The following THSD7B variants were observed in gnomAD, a reference collection of about 807,000 sequenced individuals.
THSD7B encodes the protein thrombospondin type-1 domain-containing protein 7B.
In THSD7B, 138 loss-of-function variants were observed where a neutral mutation model predicts 213.6. The observed-to-expected ratio is 0.65, with a 90% CI of 0.56 to 0.74. The LOEUF (loss-of-function observed/expected upper bound fraction) is 0.74. Ranked by LOEUF, THSD7B falls within the 30% of genes least tolerant of loss-of-function variation. The pLI is 0.00. For missense variants in THSD7B, 1,931 were observed against 1,991.5 expected (o/e 0.97, Z 0.58); for synonymous variants, 742 against 687.0 (o/e 1.08, Z -1.25).
At chr2:137,017,253 C>T (rs1437624740) in intron 2 of THSD7B, among the ~76,000 whole-genome samples, 2 of 150,422 alleles carry the variant, frequency 1.3e-5, no homozygotes, top group South Asian at 2.1e-4. Context: ...GTAGCTGAGG[C>T]GAAACTGAAG....
chr2:137,141,304 A>G (rs1220814628), intron 5 of THSD7B, among the ~76,000 whole-genome samples: 6 of 152,152 alleles, frequency 3.9e-5, no homozygotes, highest in Non-Finnish European at 1.5e-5. Flanking sequence ...AGCAGGGATA[A>G]GGATACATCT....
At chr2:137,220,822 C>T (rs747266571) in intron 7 of THSD7B, among the ~76,000 whole-genome samples, 29 of 152,100 alleles carry the variant, frequency 1.9e-4, no homozygotes, top group Non-Finnish European at 4.0e-4. Context: ...TACATCCATA[C>T]AATGCAATGC....
At chr2:137,183,062 C>T (rs1180475155) in intron 7 of THSD7B, among the ~76,000 whole-genome samples, 1 of 152,076 alleles carries the variant, frequency 6.6e-6, no homozygotes, top group African/African-American at 2.4e-5. Flanking sequence ...TTGGTGGTAT[C>T]AGTTAGTGGA....
chr2:137,147,366 A>G (rs1255219969), intron 5 of THSD7B, among the ~76,000 whole-genome samples: 1 of 152,000 alleles, frequency 6.6e-6, no homozygotes, highest in Non-Finnish European at 1.5e-5. Flanking sequence ...CCTTCCTTTG[A>G]AGCTGAGTTA....
intron 7 of THSD7B, among the ~76,000 whole-genome samples, chr2:137,180,474 G>A (rs1680434356): frequency 6.6e-6 from 1 of 151,980 alleles, no homozygotes; most frequent in African/African-American, 2.4e-5. Flanking sequence ...CTTCTCAAGG[G>A]CACATACCTT....
intron 5 of THSD7B, among the ~76,000 whole-genome samples, chr2:137,136,861 A>G (rs1375224176): frequency 2.0e-5 from 3 of 152,334 alleles, no homozygotes; most frequent in South Asian, 4.1e-4. Context: ...ACATTTAGCA[A>G]ATCAAAAGAT....
chr2:137,397,293 C>A (rs1421932910), intron 12 of THSD7B, among the ~76,000 whole-genome samples: 1 of 151,994 alleles, frequency 6.6e-6, no homozygotes, highest in East Asian at 1.9e-4. Flanking sequence ...GATTTTGCAG[C>A]GGCTGGTACC....
Position 137,174,832 on chromosome 2 carries a change from A to G in THSD7B, c.1723+3894A>G, listed in dbSNP as rs1264628816. Reference sequence around the variant, plus strand: ...CATTTACGGAGCGTTGAATATGCATAGGTTATTCTTGTCTCATTGACAAGT... The same window carrying G: ...CATTTACGGAGCGTTGAATATGCATGGGTTATTCTTGTCTCATTGACAAGT... On this transcript the variant is annotated intron_variant, in intron 7 of 27. Transcript: ENST00000409968. Among the ~76,000 whole-genome samples, 3 of 152,204 alleles carry G rather than the reference A, an allele frequency of 2.0e-5. No homozygotes were observed. In the South Asian group the frequency reaches 6.2e-4, roughly 31 times the overall value.
chr2:136,830,972 A>G (rs188008772), intron 1 of THSD7B, among the ~76,000 whole-genome samples: 13 of 152,320 alleles, frequency 8.5e-5, no homozygotes, highest in Non-Finnish European at 1.6e-4. Context: ...AGAAAATGAC[A>G]TATGTGGATC....
At chr2:137,403,704 G>A (rs887172487) in intron 12 of THSD7B, among the ~76,000 whole-genome samples, 1 of 152,210 alleles carries the variant, frequency 6.6e-6, no homozygotes, top group Non-Finnish European at 1.5e-5. Flanking sequence ...ATCTGAAGTG[G>A]TACCATGGAA....
chr2:137,339,844 C>T (rs1684719511), intron 12 of THSD7B, among the ~76,000 whole-genome samples: 1 of 151,460 alleles, frequency 6.6e-6, no homozygotes, highest in Non-Finnish European at 1.5e-5. Context: ...AGAGAAGCAG[C>T]ACTGAGTTAA....
chr2:136,948,254 C>G (rs930253228), intron 2 of THSD7B, among the ~76,000 whole-genome samples: 1 of 152,150 alleles, frequency 6.6e-6, no homozygotes, highest in Non-Finnish European at 1.5e-5. Flanking sequence ...CCCCTGCTCA[C>G]AAACCTTCAG....
intron 5 of THSD7B, among the ~76,000 whole-genome samples, 155 bp downstream of exon 5, chr2:137,115,448 C>G (rs571653427): frequency 8.5e-5 from 13 of 152,210 alleles, no homozygotes; most frequent in Admixed American, 3.3e-4. Flanking sequence ...TAAGTTCTTC[C>G]ACTTGTAACA....
intron 17 of THSD7B, among the ~76,000 whole-genome samples, chr2:137,575,742 A>ATATATATATATTTT (rs1235744133): frequency 4.1e-5 from 6 of 147,418 alleles, no homozygotes; most frequent in South Asian, 2.3e-4. Flanking sequence ...ATATATATAT[A>ATATATATATATTTT]TTTTTACTTT....
intron 10 of THSD7B, among the ~76,000 whole-genome samples, chr2:137,261,189 G>A (rs1682438527): frequency 6.6e-6 from 1 of 152,100 alleles, no homozygotes. Flanking sequence ...AAGACAACAG[G>A]ATGCGACAGA....
chr2:137,316,224 T>A (rs1260096279), intron 12 of THSD7B, among the ~76,000 whole-genome samples: 3 of 152,246 alleles, frequency 2.0e-5, no homozygotes, highest in Admixed American at 2.0e-4. Context: ...CCACAACCGA[T>A]ACCTTCAAAA....
At chr2:137,562,467 C>A (rs1282745298) in intron 15 of THSD7B, among the ~76,000 whole-genome samples, 3 of 152,014 alleles carry the variant, frequency 2.0e-5, no homozygotes, top group Admixed American at 1.3e-4. Context: ...AAAAAAATCA[C>A]CACAAACAAA....
At chr2:136,794,847 T>TA (rs1682033256) in intron 1 of THSD7B, among the ~76,000 whole-genome samples, 2 of 151,906 alleles carry the variant, frequency 1.3e-5, no homozygotes, top group African/African-American at 2.4e-5. Flanking sequence ...TCCCTCAGAT[T>TA]AAAAAAGAAT....
chr2:136,815,478 C>G (rs1397842239), intron 1 of THSD7B, among the ~76,000 whole-genome samples: 2 of 152,140 alleles, frequency 1.3e-5, no homozygotes, highest in Non-Finnish European at 2.9e-5. Flanking sequence ...CCATGTGTTT[C>G]CTGTTGGAAT....
Sources: gnomAD v4.1 joint callset for allele counts (sites outside exome capture counted in the v4.1 genomes callset) on GRCh38, gnomAD v4.1.1 for gene constraint, MANE v1.5 for transcripts, NCBI Gene and HGNC (gene_info 2026-07-23, HGNC 2026-07-21) for gene names.